LPP: variants seen among roughly 807,000 people sequenced by gnomAD.
LPP encodes LIM domain containing preferred translocation partner in lipoma, also known as lipoma-preferred partner.
A neutral mutation model predicts 60.4 loss-of-function variants in LPP; 38 were observed. That is an observed-to-expected ratio of 0.63 (90% CI 0.49 to 0.83). The LOEUF is 0.83. Among genes scored for constraint, LPP ranks in the 40% least tolerant of loss-of-function variants. LPP has a pLI of 0.00. For missense variants in LPP, 902 were observed against 783.6 expected (o/e 1.15, Z -1.80); for synonymous variants, 328 against 290.8 (o/e 1.13, Z -1.30).
chr3:188,636,188 A>G (rs910258378), intron 7 of LPP, among the ~76,000 whole-genome samples: 2 of 152,316 alleles, frequency 1.3e-5, no homozygotes, highest in African/African-American at 4.8e-5. Context: ...GGCGCAGGTC[A>G]GTGGGTGCGC....
chr3:188,809,033 T>C (rs531367958), intron 9 of LPP, among the ~76,000 whole-genome samples: 1 of 152,346 alleles, frequency 6.6e-6, no homozygotes, highest in East Asian at 1.9e-4. Flanking sequence ...TATGGCTGCA[T>C]AGTATTCCAT....
intron 4 of LPP, among the ~76,000 whole-genome samples, chr3:188,481,368 A>G (rs1474522347): frequency 6.6e-6 from 1 of 152,230 alleles, no homozygotes; most frequent in African/African-American, 2.4e-5. Flanking sequence ...TTAATAATTG[A>G]TCTAAATAAA....
At chr3:188,251,659 G>A (rs563690328) in intron 2 of LPP, among the ~76,000 whole-genome samples, 1 of 152,056 alleles carries the variant, frequency 6.6e-6, no homozygotes, top group Non-Finnish European at 1.5e-5. Context: ...AAGAGTTGAG[G>A]ATTTGCTTAT....
At chr3:188,330,390 T>C (rs1297649352) in intron 2 of LPP, among the ~76,000 whole-genome samples, 1 of 152,206 alleles carries the variant, frequency 6.6e-6, no homozygotes, top group African/African-American at 2.4e-5. Flanking sequence ...CTTAATTGGA[T>C]GTTCTTTTGC....
intron 1 of LPP, among the ~76,000 whole-genome samples, chr3:188,187,901 CTTTCT>C (rs1280217641): frequency 6.8e-6 from 1 of 146,476 alleles, no homozygotes; most frequent in African/African-American, 2.8e-5. Context: ...TTTGTTTGCT[CTTTCT>C]TTTTTTTCTC....
chr3:188,834,324 G>GTTTTTTTTTTTTTTTTTT (rs71867135), intron 9 of LPP, among the ~76,000 whole-genome samples: 1 of 34,076 alleles, frequency 2.9e-5, no homozygotes, highest in African/African-American at 1.4e-4. Flanking sequence ...CTTTTTGGGT[G>GTTTTTTTTTTTTTTTTTT]TTTTTTTTTT....
chr3:188,380,536 C>T (rs1458692478), intron 3 of LPP, among the ~76,000 whole-genome samples: 1 of 152,208 alleles, frequency 6.6e-6, no homozygotes, highest in Non-Finnish European at 1.5e-5. Flanking sequence ...ACAAAGCTAT[C>T]CCGAGGGTAG....
intron 2 of LPP, among the ~76,000 whole-genome samples, chr3:188,231,711 A>C (rs969552403): frequency 2.0e-5 from 3 of 151,978 alleles, no homozygotes; most frequent in African/African-American, 7.2e-5. Context: ...ACCGCTCCAC[A>C]CAGTCTCTGC....
intron 3 of LPP, among the ~76,000 whole-genome samples, chr3:188,370,367 G>C (rs1245381909): frequency 6.6e-6 from 1 of 152,200 alleles, no homozygotes; most frequent in Non-Finnish European, 1.5e-5. Flanking sequence ...CGTTGCTCTT[G>C]TGCCCTGGAG....
intron 7 of LPP, among the ~76,000 whole-genome samples, chr3:188,699,292 G>T (rs998514445): frequency 2.0e-5 from 3 of 152,252 alleles, no homozygotes; most frequent in Admixed American, 1.3e-4. Context: ...CTTTCCCCCA[G>T]CTCAGCCTAG....
At chr3:188,579,521 T>C (rs758236099) in intron 6 of LPP, among the ~76,000 whole-genome samples, 42 of 152,222 alleles carry the variant, frequency 2.8e-4, no homozygotes, top group Non-Finnish European at 4.6e-4. Flanking sequence ...GTTCATCATG[T>C]TTCTGTGTTA....
chr3:188,826,781 C>CA (rs1755656226), intron 9 of LPP, among the ~76,000 whole-genome samples: 2 of 152,022 alleles, frequency 1.3e-5, no homozygotes, highest in Non-Finnish European at 2.9e-5. Flanking sequence ...GGACCCCCCC[C>CA]ACTCTCATCT....
chr3:188,294,202 G>T (rs1747068010), intron 2 of LPP, among the ~76,000 whole-genome samples: 1 of 152,040 alleles, frequency 6.6e-6, no homozygotes, highest in South Asian at 2.1e-4. Flanking sequence ...TGGGGTAGAG[G>T]ATAGGTAGTG....
At chr3:188,765,557 A>G (rs1014281285) in intron 9 of LPP, among the ~76,000 whole-genome samples, 3 of 152,134 alleles carry the variant, frequency 2.0e-5, no homozygotes, top group Non-Finnish European at 4.4e-5. Context: ...GCCTTGTGAA[A>G]TAGATCATGG....
intron 6 of LPP, among the ~76,000 whole-genome samples, chr3:188,543,360 G>A (rs4525855): frequency 0.45 from 68,154 of 151,808 alleles, 16,392 homozygotes; most frequent in East Asian, 0.92. Context: ...CTGAAAACGC[G>A]TATTTTCTCT....
At chr3:188,483,633 A>G (rs1451087150) in intron 4 of LPP, among the ~76,000 whole-genome samples, 2 of 152,216 alleles carry the variant, frequency 1.3e-5, no homozygotes, top group Non-Finnish European at 2.9e-5. Context: ...ATATATGTGT[A>G]TAACTTAGAT....
intron 8 of LPP, among the ~76,000 whole-genome samples, chr3:188,716,897 A>G (rs1714236645): frequency 6.6e-6 from 1 of 152,214 alleles, no homozygotes; most frequent in African/African-American, 2.4e-5. Flanking sequence ...AGCGTCTTGC[A>G]TCCAACTTCT....
At chr3:188,750,356 T>C (rs1446000496) in intron 8 of LPP, among the ~76,000 whole-genome samples, 1 of 152,132 alleles carries the variant, frequency 6.6e-6, no homozygotes, top group African/African-American at 2.4e-5. Context: ...CCAAGCCAGG[T>C]GTGGTGGTTC....
At chr3:188,331,367 A>G (rs1760026836) in intron 2 of LPP, among the ~76,000 whole-genome samples, 1 of 152,192 alleles carries the variant, frequency 6.6e-6, no homozygotes, top group Non-Finnish European at 1.5e-5. Context: ...ACAGATGGCT[A>G]TGTAGCCTCC....
Sources: gnomAD v4.1 joint callset for allele counts (sites outside exome capture counted in the v4.1 genomes callset) on GRCh38, gnomAD v4.1.1 for gene constraint, MANE v1.5 for transcripts, NCBI Gene and HGNC (gene_info 2026-07-23, HGNC 2026-07-21) for gene names.